The following GRM7 variants were observed in gnomAD, a reference collection of about 807,000 sequenced individuals.
GRM7 encodes the protein metabotropic glutamate receptor 7.
Under a neutral mutation model 84.5 loss-of-function variants are expected in GRM7, and 35 were observed. That is an observed-to-expected ratio of 0.41 (90% CI 0.32 to 0.55). GRM7 has a LOEUF of 0.55. Ranked by LOEUF, GRM7 falls within the 20% of genes least tolerant of loss-of-function variation. The pLI is 0.19. For missense variants in GRM7, 1,003 were observed against 1,194.6 expected, an observed-to-expected ratio of 0.84 and a Z score of 2.36; for synonymous variants, 487 against 455.1, an observed-to-expected ratio of 1.07 and a Z score of -0.89.
rs760807880 is a variant in GRM7 at position 6,988,163 on chromosome 3, ATTTTTTTTTTT to A, written c.519+126273_519+126283del. Among the ~76,000 whole-genome samples, 21 of 95,282 alleles carry A rather than the reference ATTTTTTTTTTT, an allele frequency of 2.2e-4. 1 individual carries two copies. Among genetic ancestry groups the A allele is most frequent in the Admixed American group, 2.0e-3 (17 of 8,572 alleles). 62.5% of individuals were successfully genotyped at this position (95,282 alleles called of 152,430 possible). ...AGGCGGCCACCATCACGCCTGGCTA[ATTTTTTTTTTT>A]TTTTTTTTTTTTTTTTAGTAGAGAT... On this transcript the variant is annotated intron_variant, in intron 1 of 9. Transcript: ENST00000357716.
At chr3:7,093,886 C>T (rs1698763496) in intron 1 of GRM7, among the ~76,000 whole-genome samples, 1 of 151,974 alleles carries the variant, frequency 6.6e-6, no homozygotes, top group Non-Finnish European at 1.5e-5. Context: ...TGTTTCGAGA[C>T]TAACAACCAG....
intron 2 of GRM7, among the ~76,000 whole-genome samples, chr3:7,163,578 T>C (rs1022247723): frequency 6.6e-6 from 1 of 152,144 alleles, no homozygotes; most frequent in Non-Finnish European, 1.5e-5. Flanking sequence ...AATAAATAAG[T>C]AAGTGAATAA....
At chr3:7,644,388 G>C (rs1446366982) in intron 8 of GRM7, among the ~76,000 whole-genome samples, 1 of 151,206 alleles carries the variant, frequency 6.6e-6, no homozygotes, top group African/African-American at 2.5e-5. Context: ...AATATAATTT[G>C]CAGAAATAGT....
chr3:6,991,952 A>G (rs919198152), intron 1 of GRM7, among the ~76,000 whole-genome samples: 2 of 152,142 alleles, frequency 1.3e-5, no homozygotes, highest in African/African-American at 2.4e-5. Flanking sequence ...AGCTCCTTGC[A>G]ACCAGTTTGT....
At chr3:7,713,124 GTTTTTTTTTTTTTT>G (rs5846535) in intron 9 of GRM7, among the ~76,000 whole-genome samples, 1 of 97,124 alleles carries the variant, frequency 1.0e-5, no homozygotes, top group African/African-American at 3.7e-5. Context: ...ATTTTGTTTT[GTTTTTTTTTTTTTT>G]TTTTTTTTTT....
intron 1 of GRM7, among the ~76,000 whole-genome samples, chr3:7,088,310 A>C (rs972890168): frequency 6.6e-6 from 1 of 152,166 alleles, no homozygotes; most frequent in Non-Finnish European, 1.5e-5. Context: ...ACTGATTGTA[A>C]AAAGGGGCAA....
intron 1 of GRM7, among the ~76,000 whole-genome samples, chr3:6,943,193 A>C (rs1483189108): frequency 6.6e-6 from 1 of 151,862 alleles, no homozygotes; most frequent in Non-Finnish European, 1.5e-5. Context: ...CTTTCAAAAA[A>C]CTGAAGTTTT....
chr3:7,074,979 C>G (rs773590123), intron 1 of GRM7, among the ~76,000 whole-genome samples: 2 of 152,186 alleles, frequency 1.3e-5, no homozygotes, highest in South Asian at 4.1e-4. Context: ...CTTCAGTGAT[C>G]ATTTTAGTCT....
At chr3:7,641,359 C>G (rs1698357314) in intron 8 of GRM7, among the ~76,000 whole-genome samples, 1 of 152,094 alleles carries the variant, frequency 6.6e-6, no homozygotes, top group Non-Finnish European at 1.5e-5. Context: ...TCAAATGTGT[C>G]CTGGGTTTAA....
intron 7 of GRM7, among the ~76,000 whole-genome samples, chr3:7,534,079 A>G (rs1559385719): frequency 6.7e-6 from 1 of 149,448 alleles, no homozygotes; most frequent in African/African-American, 2.5e-5. Flanking sequence ...CAGTAGCACA[A>G]TCTTGGCTCA....
At chr3:7,294,651 C>A (rs1185977294) in intron 2 of GRM7, among the ~76,000 whole-genome samples, 2 of 152,106 alleles carry the variant, frequency 1.3e-5, no homozygotes, top group Non-Finnish European at 2.9e-5. Context: ...TATGGAGACA[C>A]CCAGGTGAAT....
At chr3:7,581,919 TA>T (rs1489423310) in intron 8 of GRM7, among the ~76,000 whole-genome samples, 2 of 152,128 alleles carry the variant, frequency 1.3e-5, no homozygotes, top group Non-Finnish European at 2.9e-5. Flanking sequence ...TTAAGGAGGA[TA>T]TGGGAGACCA....
At chr3:7,054,455 G>T (rs1440596491) in intron 1 of GRM7, among the ~76,000 whole-genome samples, 1 of 151,094 alleles carries the variant, frequency 6.6e-6, no homozygotes, top group Non-Finnish European at 1.5e-5. Flanking sequence ...GTGTGTTCTT[G>T]TCTGAGTGCA....
chr3:7,328,734 C>G (rs1404903034), intron 4 of GRM7, among the ~76,000 whole-genome samples: 19 of 152,140 alleles, frequency 1.2e-4, no homozygotes. Context: ...TAGCTAAATG[C>G]ATTCCTCTCT....
At chr3:7,697,679 AAGAC>A (rs1356659601) in intron 9 of GRM7, among the ~76,000 whole-genome samples, 1 of 152,208 alleles carries the variant, frequency 6.6e-6, no homozygotes, top group Non-Finnish European at 1.5e-5. Flanking sequence ...AAAATCAATC[AAGAC>A]AGACAGCTTT....
intron 7 of GRM7, among the ~76,000 whole-genome samples, chr3:7,491,174 A>G (rs1329995057): frequency 6.6e-6 from 1 of 151,948 alleles, no homozygotes; most frequent in African/African-American, 2.4e-5. Context: ...CCTAAAGTCC[A>G]GCAAATTATT....
intron 2 of GRM7, among the ~76,000 whole-genome samples, chr3:7,288,009 G>A (rs1699491199): frequency 6.6e-6 from 1 of 152,066 alleles, no homozygotes; most frequent in South Asian, 2.1e-4. Context: ...TATCCAAATT[G>A]ATATTATAAT....
intron 7 of GRM7, among the ~76,000 whole-genome samples, chr3:7,485,027 T>C (rs1189828274): frequency 6.6e-6 from 1 of 152,162 alleles, no homozygotes; most frequent in Admixed American, 6.6e-5. Flanking sequence ...CTTATTCCAA[T>C]AGGCGTGGGA....
At chr3:7,146,346 T>A in intron 1 of GRM7, 106 bp from the exon 2 acceptor site, 1 of 854,520 alleles carries the variant, frequency 1.2e-6, no homozygotes, top group South Asian at 1.5e-5. Context: ...AACATGTATC[T>A]CCTTTGCAGC....
Sources: gnomAD v4.1 joint callset for allele counts (sites outside exome capture counted in the v4.1 genomes callset) on GRCh38, gnomAD v4.1.1 for gene constraint, MANE v1.5 for transcripts, NCBI Gene and HGNC (gene_info 2026-07-23, HGNC 2026-07-21) for gene names.